The following PARP4 variants were observed in gnomAD, a reference collection of about 807,000 sequenced individuals.
PARP4 encodes the protein protein mono-ADP-ribosyltransferase PARP4.
PARP4 carries 120 observed loss-of-function variants against 187.7 expected under a neutral mutation model. The ratio of observed to expected loss-of-function variants is 0.64; its 90% CI spans 0.55 to 0.74. The LOEUF (loss-of-function observed/expected upper bound fraction) is 0.74. PARP4 is among the 30% of genes least tolerant of loss of function. PARP4 has a pLI of 0.00. For missense variants in PARP4, 1,836 were observed against 2,070.5 expected, an observed-to-expected ratio of 0.89 and a Z score of 2.20; for synonymous variants, 654 against 740.9, an observed-to-expected ratio of 0.88 and a Z score of 1.90.
At chr13:24,425,431 C>T (rs901333181) in intron 33 of PARP4, among the ~76,000 whole-genome samples, 2 of 152,098 alleles carry the variant, frequency 1.3e-5, no homozygotes, top group Admixed American at 1.3e-4. Flanking sequence ...TCTATCAAAT[C>T]CCCGTAGCAA....
rs140804702 is a variant in PARP4, at chr13:24,468,400, CTT to C, written c.2133+622_2133+623del. Among the ~76,000 whole-genome samples, 1,116 of 121,162 alleles carry C rather than the reference CTT, an allele frequency of 9.2e-3. 8 individuals are homozygous for C. Among genetic ancestry groups the C allele is most frequent in the African/African-American group, 0.027 (860 of 32,208 alleles). The allele number at this position is 121,162 out of a possible 152,430, so 79.5% of individuals were successfully genotyped here. A position where few individuals can be genotyped will look rare whatever the true frequency, so the allele number is the denominator to read the frequency against. ...GGAAAATTGTAAATATATCACACTC[CTT>C]TTTTTTTTTTTTTTTTTTTGAGATG... On this transcript the variant is annotated intron_variant, in intron 17 of 33. Transcript: ENST00000381989.
rs747963131 is a variant in PARP4, at chr13:24,503,783, G to A, written c.-1-6C>T. The A allele has an allele frequency of 1.2e-6, 2 of 1,611,594 alleles. No individual in the cohort carries two copies. The highest frequency in any genetic ancestry group is 2.2e-5 in the South Asian group (2 of 90,840). On this transcript the variant is annotated splice_region_variant and splice_polypyrimidine_tract_variant and intron_variant, in intron 1 of 33. Coordinates refer to ENST00000381989, the MANE Select transcript of PARP4 (RefSeq NM_006437.4). The stretch of plus-strand genomic sequence containing the variant: ...CAAAGATTCCCATCACCATCCTGTA[G>A]GAAAAAAAGTTTTTAAGGACCCTCT...
rs188235736 is a variant in PARP4, at chr13:24,422,842, T to C, written c.4980-1528A>G. ...CAGGATGGTCTCAATCTCTTAACCT[T>C]GTGATCTGTCCGCCTCAACCTCCCA... is the stretch of plus-strand genomic sequence containing the variant. On this transcript the variant is annotated intron_variant, in intron 33 of 33. Transcript: ENST00000381989. Among the ~76,000 whole-genome samples, 176 of 152,202 alleles carry C rather than the reference T, an allele frequency of 1.2e-3. 3 individuals are homozygous for C. In the East Asian group the frequency reaches 0.018, roughly 16 times the overall value.
chr13:24,470,603 A>C (rs1405015790), intron 15 of PARP4, among the ~76,000 whole-genome samples: 5 of 152,184 alleles, frequency 3.3e-5, no homozygotes, highest in Non-Finnish European at 1.5e-5. Context: ...CACTCAGGAA[A>C]AGGCGGGAGG....
chr13:24,466,053 A>G (rs1872451785), intron 17 of PARP4, among the ~76,000 whole-genome samples: 5 of 152,238 alleles, frequency 3.3e-5, no homozygotes, highest in Admixed American at 3.3e-4. Flanking sequence ...CTACATATGC[A>G]CTAAGTAATA....
At chr13:24,441,805 A>C (rs1447362221) in intron 30 of PARP4, 41 bp downstream of exon 30, 14 of 1,538,212 alleles carry the variant, frequency 9.1e-6, no homozygotes, top group Non-Finnish European at 1.0e-5. Flanking sequence ...TCATGAAAAA[A>C]CGAAAGCTCA....
intron 3 of PARP4, among the ~76,000 whole-genome samples, 159 bp from the exon 4 acceptor site, chr13:24,500,541 A>C (rs570481786): frequency 2.0e-5 from 3 of 152,254 alleles, no homozygotes; most frequent in African/African-American, 7.2e-5. Flanking sequence ...AGGAAGGTAT[A>C]ACCTTATAAA....
intron 9 of PARP4, among the ~76,000 whole-genome samples, chr13:24,491,189 T>G (rs1428038540): frequency 6.6e-6 from 1 of 151,998 alleles, no homozygotes; most frequent in African/African-American, 2.4e-5. Context: ...GGCATGATCT[T>G]GACTCACTGC....
intron 32 of PARP4, among the ~76,000 whole-genome samples, chr13:24,427,887 T>G (rs1870137207): frequency 1.3e-5 from 2 of 152,160 alleles, no homozygotes; most frequent in Non-Finnish European, 2.9e-5. Context: ...AATGTTAGAC[T>G]AATTTTTAAG....
rs369550857 is a variant in PARP4, at chr13:24,459,033, G to A, written c.2424+11C>T. On this transcript the variant is annotated intron_variant, in intron 20 of 33. Coordinates refer to ENST00000381989, the MANE Select transcript of PARP4 (RefSeq NM_006437.4). ...AAATAACAGCTCTTAAGAAATCAAA[G>A]ATGCACTAACCTTTTGTTTCAGTTC... The A allele has an allele frequency of 1.9e-6, 3 of 1,560,776 alleles. No individual in the cohort carries two copies. The highest frequency in any genetic ancestry group is 1.7e-4 in the Middle Eastern group (1 of 5,830).
chr13:24,442,307 C>T (rs1294958651), intron 29 of PARP4, among the ~76,000 whole-genome samples: 4 of 152,238 alleles, frequency 2.6e-5, no homozygotes, highest in African/African-American at 9.6e-5. Flanking sequence ...AAAACTGTAA[C>T]AAAATTATAG....
Position 24,452,432 on chromosome 13 carries a change from G to A in PARP4, c.2988C>T (p.His996=), listed in dbSNP as rs745692199. 5.9e-5 allele frequency: 95 copies of A among 1,613,730 alleles called. 1 individual carries two copies. The Admixed American group carries it at 1.5e-3, about 25-fold the overall frequency. ...TLQLVKRSRP[H]TRLFACGIGS... Reference sequence around the variant, plus strand: ...CGATACCGCAGGCGAATAACCTGGTGTGCGGGCGGCTCCTCTTCACGAGCT... The same window carrying A: ...CGATACCGCAGGCGAATAACCTGGTATGCGGGCGGCTCCTCTTCACGAGCT... Residue 996 remains histidine, a synonymous_variant, in exon 24 of 34, where the codon CAC becomes CAT. Coordinates refer to ENST00000381989, the MANE Select transcript of PARP4 (RefSeq NM_006437.4).
intron 17 of PARP4, among the ~76,000 whole-genome samples, chr13:24,462,889 G>C (rs1872279502): frequency 6.6e-6 from 1 of 151,880 alleles, no homozygotes; most frequent in Admixed American, 6.6e-5. Context: ...AGCTCCAAAA[G>C]CTGTGGTGCA....
At chr13:24,435,589 G>C (rs1489090179) in intron 30 of PARP4, 115 bp from the exon 31 acceptor site, 5 of 1,087,022 alleles carry the variant, frequency 4.6e-6, no homozygotes, top group Non-Finnish European at 6.5e-6. Context: ...TGCTCATCCA[G>C]AATCAGGATC....
intron 10 of PARP4, among the ~76,000 whole-genome samples, chr13:24,487,773 C>T (rs1293469340): frequency 6.6e-6 from 1 of 152,082 alleles, no homozygotes; most frequent in African/African-American, 2.4e-5. Context: ...GCAAATATTC[C>T]AGACCAGGAC....
At chr13:24,425,605 C>CTATATCTATATATA (rs139404140) in intron 33 of PARP4, among the ~76,000 whole-genome samples, 102 of 146,986 alleles carry the variant, frequency 6.9e-4, no homozygotes, top group Admixed American at 3.6e-3. Flanking sequence ...ATATCTATAT[C>CTATATCTATATATA]TATATATCTC....
chr13:24,453,093 C>A (rs2137471514), intron 23 of PARP4, among the ~76,000 whole-genome samples: 1 of 152,186 alleles, frequency 6.6e-6, no homozygotes, highest in East Asian at 1.9e-4. Context: ...CGTCACTACG[C>A]CTGGCTAATT....
At chr13:24,475,688 AT>A in intron 14 of PARP4, 92 bp from the exon 15 acceptor site, 1 of 1,265,562 alleles carries the variant, frequency 7.9e-7, no homozygotes, top group Non-Finnish European at 1.1e-6. Flanking sequence ...GCCTTCATGC[AT>A]TTTATTTTAG....
chr13:24,491,043 T>G (rs9578746), intron 9 of PARP4, among the ~76,000 whole-genome samples: 16,924 of 151,970 alleles, frequency 0.11, 1,010 homozygotes, highest in African/African-American at 0.13. Flanking sequence ...CTGAGTTCAA[T>G]AGATCCTCCT....
Sources: allele counts gnomAD v4.1 joint callset (sites outside exome capture counted in the v4.1 genomes callset), GRCh38; gene constraint gnomAD v4.1.1; transcripts MANE v1.5; gene names NCBI Gene and HGNC (gene_info 2026-07-23, HGNC 2026-07-21).